The following KIAA0408 variants were observed in gnomAD, a reference collection of about 807,000 sequenced individuals.
KIAA0408 encodes the protein KIAA0408, also known as uncharacterized protein KIAA0408.
KIAA0408 carries 51 observed loss-of-function variants against 60.9 expected under a neutral mutation model. That is an observed-to-expected ratio of 0.84 (90% CI 0.67 to 1.06). KIAA0408 has a LOEUF of 1.06. KIAA0408 is among the 50% of genes least tolerant of loss of function. The pLI is 0.00. For synonymous variants in KIAA0408, 304 were observed against 282.4 expected, an observed-to-expected ratio of 1.08 and a Z score of -0.77; for missense variants, 787 against 833.9, an observed-to-expected ratio of 0.94 and a Z score of 0.69.
At chr6:127,448,819 G>A (rs574823864) in intron 4 of KIAA0408, among the ~76,000 whole-genome samples, 3 of 152,106 alleles carry the variant, frequency 2.0e-5, no homozygotes, top group Non-Finnish European at 4.4e-5. Flanking sequence ...TGAAAAATAA[G>A]GGAATGTAGG....
chr6:127,446,251 C>A (rs913303548), intron 5 of KIAA0408, among the ~76,000 whole-genome samples, 157 bp downstream of exon 5: 9 of 152,118 alleles, frequency 5.9e-5, no homozygotes, highest in African/African-American at 1.9e-4. Context: ...CTTCAAGGTT[C>A]ATGTTGAGTT....
chr6:127,458,873 T>C (rs1773440183), intron 1 of KIAA0408, among the ~76,000 whole-genome samples: 2 of 152,206 alleles, frequency 1.3e-5, no homozygotes, highest in Admixed American at 1.3e-4. Context: ...ATGGGCAAAG[T>C]GCTTTTCAAA....
Position 127,444,127 on chromosome 6 carries a change from G to A in KIAA0408, c.2067C>T (p.Ser689=), listed in dbSNP as rs144153254. 31 of 1,613,744 alleles carry A rather than the reference G, an allele frequency of 1.9e-5. No individual in the cohort carries two copies. Among genetic ancestry groups the A allele is most frequent in the Non-Finnish European group, 2.3e-5 (27 of 1,179,952 alleles). The part of the protein sequence containing the change: ...TTHNYTISLR[S]EALMV ...CAAAGACTTAAACCATCAATGCTTC[G>A]GATCGCAGAGAAATGGTATAGTTGT... The change falls in exon 6 of 6, where the codon TCC becomes TCT. Residue 689 remains serine (S), a synonymous_variant. Transcript: ENST00000483725.
At chr6:127,444,382 TA>T in intron 5 of KIAA0408, 100 bp from the exon 6 acceptor site, 1 of 933,118 alleles carries the variant, frequency 1.1e-6, no homozygotes, top group Non-Finnish European at 1.5e-6. Flanking sequence ...TTAGTAAATT[TA>T]CAAGAAAGAA....
rs760729569 is a variant in KIAA0408 at position 127,443,977 on chromosome 6, A to G, written c.*132T>C. 128 of 769,984 alleles carry G rather than the reference A, an allele frequency of 1.7e-4. No homozygotes were observed. The highest frequency in any genetic ancestry group is 2.4e-4 in the Non-Finnish European group (118 of 486,712). The allele number at this position is 769,984 out of a possible 1,614,324, so 47.7% of individuals were successfully genotyped here. ...GATAATTATTCCTTAGATTAAAAAC[A>G]CTGAAGACTGATGGAAAGTTAAGAT... is the stretch of plus-strand genomic sequence containing the variant. On this transcript the variant is annotated 3_prime_UTR_variant, in exon 6 of 6. Coordinates refer to ENST00000483725, the MANE Select transcript of KIAA0408 (RefSeq NM_014702.5).
At chr6:127,454,517 A>G (rs1367184459) in intron 1 of KIAA0408, among the ~76,000 whole-genome samples, 2 of 152,132 alleles carry the variant, frequency 1.3e-5, no homozygotes, top group Non-Finnish European at 2.9e-5. Flanking sequence ...ATATATTCTT[A>G]TGACTTAAAT....
chr6:127,455,223 G>A (rs921349973), intron 1 of KIAA0408, among the ~76,000 whole-genome samples: 2 of 152,074 alleles, frequency 1.3e-5, no homozygotes, highest in Non-Finnish European at 2.9e-5. Context: ...CCTATAAGAT[G>A]TCTAACTCTT....
At chr6:127,451,981 C>G (rs1773310209) in intron 2 of KIAA0408, among the ~76,000 whole-genome samples, 1 of 152,110 alleles carries the variant, frequency 6.6e-6, no homozygotes, top group South Asian at 2.1e-4. Context: ...CCCCAGACGT[C>G]TATAAGTTCT....
chr6:127,445,958 A>C (rs903251989), intron 5 of KIAA0408, among the ~76,000 whole-genome samples: 2 of 152,176 alleles, frequency 1.3e-5, no homozygotes. Flanking sequence ...GATTAATCCT[A>C]TGAGAAAGAA....
rs373217574 is a variant in KIAA0408, at chr6:127,444,126, C to T, written c.2068G>A (p.Glu690Lys). The T allele has an allele frequency of 4.7e-5, 76 of 1,613,788 alleles. No homozygotes were observed. The highest frequency in any genetic ancestry group is 6.7e-5 in the Admixed American group (4 of 59,970). ...CCAAAGACTTAAACCATCAATGCTT[C>T]GGATCGCAGAGAAATGGTATAGTTG... is the stretch of plus-strand genomic sequence containing the variant. ...THNYTISLRS[E>K]ALMV is the part of the protein sequence containing the mutation. The change falls in exon 6 of 6, where the codon GAA (glutamate) becomes AAA (lysine). Residue 690 changes from glutamate (E) to lysine (K), a missense_variant. Transcript: ENST00000483725.
chr6:127,445,161 A>G (rs973317210), intron 5 of KIAA0408, among the ~76,000 whole-genome samples: 1 of 152,074 alleles, frequency 6.6e-6, no homozygotes, highest in Non-Finnish European at 1.5e-5. Flanking sequence ...TTGGAGACTT[A>G]TTTTCTAGAT....
intron 1 of KIAA0408, among the ~76,000 whole-genome samples, chr6:127,455,477 T>G (rs1321763684): frequency 6.6e-6 from 1 of 152,180 alleles, no homozygotes; most frequent in Non-Finnish European, 1.5e-5. Context: ...CATACATATC[T>G]GACTAGTAAA....
At chr6:127,451,570 T>A (rs1773303430) in intron 2 of KIAA0408, among the ~76,000 whole-genome samples, 1 of 152,122 alleles carries the variant, frequency 6.6e-6, no homozygotes, top group Admixed American at 6.6e-5. Flanking sequence ...AAGTCATGAG[T>A]GAAAACAAAA....
rs1203917708 is a variant in KIAA0408, at chr6:127,441,530, C to T, written c.*2579G>A. The T allele has an allele frequency of 6.6e-6, 1 of 152,164 alleles. No homozygotes were observed. Among genetic ancestry groups the T allele is most frequent in the Non-Finnish European group, 1.5e-5 (1 of 68,000 alleles). 9.4% of individuals were successfully genotyped at this position (152,164 alleles called of 1,614,324 possible). A position where few individuals can be genotyped will look rare whatever the true frequency, so the allele number is the denominator to read the frequency against. ...GCTGAACTAAAATAATATTTTTGCT[C>T]CAAAAGTCTGCTAGGGAAAACATCT... On this transcript the variant is annotated 3_prime_UTR_variant, in exon 6 of 6. Transcript: ENST00000483725.
intron 4 of KIAA0408, among the ~76,000 whole-genome samples, chr6:127,448,378 A>G (rs1279939265): frequency 6.6e-6 from 1 of 152,220 alleles, no homozygotes; most frequent in Non-Finnish European, 1.5e-5. Context: ...TGGATTAATT[A>G]TAAAGCAGAG....
At position 127,447,254 on chromosome 6, in the gene KIAA0408, A is replaced by G; in HGVS notation, c.1065T>C (p.Asp355=). 1 of 1,613,952 alleles carries G rather than the reference A, an allele frequency of 6.2e-7. No homozygotes were observed. The highest frequency in any genetic ancestry group is 1.3e-5 in the African/African-American group (1 of 75,034). ...CACATGACCACATGCTAAGTCCAAC[A>G]TCTTCATTACTTGGAGGCTTGCTAT... ...KIDSKPPSNE[D]VGLSMWSCDI... Residue 355 remains aspartate, a synonymous_variant, in exon 5 of 6, where the codon GAT becomes GAC. Transcript: ENST00000483725.
At position 127,447,717 on chromosome 6, in the gene KIAA0408, T is replaced by C; in HGVS notation, c.602A>G (p.Gln201Arg). 6.4e-7 allele frequency: 1 copy of C among 1,557,384 alleles called. No individual in the cohort carries two copies. The highest frequency in any genetic ancestry group is 8.6e-7 in the Non-Finnish European group (1 of 1,158,112). ...HRRMKSDSFL[Q>R]EMPNVTNIPH... Reference sequence around the variant, plus strand: ...TATATTAGTTACATTTGGCATTTCCTGGAGAAAAGAATCTGACTTCATCCT... The same window carrying C: ...TATATTAGTTACATTTGGCATTTCCCGGAGAAAAGAATCTGACTTCATCCT... Residue 201 changes from glutamine (Q) to arginine (R), a missense_variant, in exon 5 of 6, where the codon CAG (glutamine) becomes CGG (arginine). Physicochemically the swap from Gln to Arg is conservative, Grantham distance 43 (BLOSUM62 1). Coordinates refer to ENST00000483725, the MANE Select transcript of KIAA0408 (RefSeq NM_014702.5).
intron 2 of KIAA0408, among the ~76,000 whole-genome samples, chr6:127,452,282 G>A (rs890226476): frequency 7.2e-5 from 11 of 152,112 alleles, no homozygotes; most frequent in African/African-American, 2.4e-4. Context: ...TTTTATGCTT[G>A]TGGCATGAGA....
At position 127,447,081 on chromosome 6, in the gene KIAA0408, G is replaced by T; in HGVS notation, c.1238C>A (p.Ser413Tyr). Residue 413 changes from serine (S) to tyrosine (Y), a missense_variant, in exon 5 of 6, where the codon TCC becomes TAC. By Grantham distance (144) the Ser-to-Tyr change is moderately radical. Coordinates refer to ENST00000483725, the MANE Select transcript of KIAA0408 (RefSeq NM_014702.5). The part of the protein sequence containing the change: ...PDLHVSNDCS[S>Y]SVAESSSPLR... ...TGGGCTACTGCTCTCTGCTACTGAG[G>T]AGCTACAGTCATTACTTACATGAAG... The T allele has an allele frequency of 1.2e-6, 2 of 1,613,820 alleles. No individual in the cohort carries two copies. Among genetic ancestry groups the T allele is most frequent in the Non-Finnish European group, 1.7e-6 (2 of 1,179,944 alleles).
Sources: allele counts gnomAD v4.1 joint callset (sites outside exome capture counted in the v4.1 genomes callset), GRCh38; gene constraint gnomAD v4.1.1; transcripts MANE v1.5; gene names NCBI Gene and HGNC (gene_info 2026-07-23, HGNC 2026-07-21).